ZNF765: variants seen among roughly 807,000 people sequenced by gnomAD.
The protein encoded by ZNF765 is zinc finger protein 765.
ZNF765 carries 37 observed loss-of-function variants against 44.7 expected under a neutral mutation model. The observed-to-expected ratio is 0.83, with a 90% CI of 0.64 to 1.09. The LOEUF (loss-of-function observed/expected upper bound fraction) is 1.09, where lower values mean the gene tolerates loss of function less well. ZNF765 is among the 50% of genes least tolerant of loss of function. ZNF765 has a pLI of 0.00. For synonymous variants in ZNF765, 201 were observed against 213.7 expected (o/e 0.94, Z 0.52); for missense variants, 594 against 626.1 (o/e 0.95, Z 0.55).
At position 53,420,783 on chromosome 19, in the gene ZNF765, C is replaced by T. The variant is rs927696363; in HGVS notation, c.143-2279C>T. 2.6e-5 allele frequency among the ~76,000 whole-genome samples: 4 copies of T among 152,068 alleles called. No homozygotes were observed. The East Asian group carries it at 5.8e-4, about 22-fold the overall frequency. ...AGGCAGTATGCTTGGTAAAAGTCAT[C>T]GCCATTCTCCAGTCTCGAGTACCCA... On this transcript the variant is annotated intron_variant, in intron 3 of 3. Transcript: ENST00000594030.
downstream of ZNF765, among the ~76,000 whole-genome samples, chr19:53,416,756 C>A (rs62117304): frequency 6.6e-6 from 1 of 150,542 alleles, no homozygotes; most frequent in African/African-American, 2.4e-5. Context: ...GTAAACTCTA[C>A]GTTTCTATGA....
intron 3 of ZNF765, among the ~76,000 whole-genome samples, chr19:53,403,965 A>C (rs1181065445): frequency 6.6e-6 from 1 of 152,174 alleles, no homozygotes; most frequent in Non-Finnish European, 1.5e-5. Flanking sequence ...ACATATATGT[A>C]GTGTTTTTTC....
downstream of ZNF765, among the ~76,000 whole-genome samples, chr19:53,416,288 C>A (rs185442667): frequency 6.6e-6 from 1 of 152,192 alleles, no homozygotes; most frequent in Admixed American, 6.5e-5. Context: ...TGCCTTTAGT[C>A]CCACCTACTC....
chr19:53,414,800 G>A (rs1221911424), downstream of ZNF765, among the ~76,000 whole-genome samples: 2 of 150,482 alleles, frequency 1.3e-5, no homozygotes, highest in Non-Finnish European at 3.0e-5. Context: ...CACCACAGGT[G>A]CTCAATCAGT....
In ZNF765 at chr19:53,407,816, C is replaced by G. The variant is rs1489422610; in HGVS notation, c.261C>G (p.Phe87Leu). 1 of 1,612,850 alleles carries G rather than the reference C, an allele frequency of 6.2e-7. No individual in the cohort carries two copies. Among genetic ancestry groups the G allele is most frequent in the African/African-American group, 1.3e-5 (1 of 74,892 alleles). The change falls in exon 4 of 4, where the codon TTC (phenylalanine) becomes TTG (leucine). Residue 87 changes from phenylalanine to leucine, a missense_variant. Physicochemically the swap from Phe to Leu is conservative, Grantham distance 22. Transcript: ENST00000396408. ...GTCATCACAATGGAGATTTTTGTTTCCAGGATATTGATAAAGATATTCATG... is the reference window on the plus strand; with the variant it reads ...GTCATCACAATGGAGATTTTTGTTTGCAGGATATTGATAAAGATATTCATG... ...HESHHNGDFC[F>L]QDIDKDIHDI...
chr19:53,398,687 A>G (rs186583068), intron 2 of ZNF765, among the ~76,000 whole-genome samples: 1 of 152,306 alleles, frequency 6.6e-6, no homozygotes, highest in East Asian at 1.9e-4. Context: ...GTTCCTGTGG[A>G]GAGGCTTGTG....
intron 3 of ZNF765, among the ~76,000 whole-genome samples, chr19:53,422,176 T>C (rs1490597658): frequency 6.6e-6 from 1 of 152,190 alleles, no homozygotes; most frequent in African/African-American, 2.4e-5. Flanking sequence ...GTGTAAAATA[T>C]AAAGACCAGG....
rs771661973 is a variant in ZNF765 at position 53,407,732 on chromosome 19, G to T, written c.177G>T (p.Ser59=). The part of the protein sequence containing the change: ...ISSKCMMKEF[S]STAQGNREVF... ...CCAAATGCATGATGAAGGAGTTCTC[G>T]TCAACAGCACAAGGCAATAGAGAAG... The change falls in exon 4 of 4, where the codon TCG becomes TCT. Residue 59 remains serine (S), a synonymous_variant. Transcript: ENST00000396408. The T allele has an allele frequency of 1.3e-6, 2 of 1,567,760 alleles. No homozygotes were observed. Among genetic ancestry groups the T allele is most frequent in the African/African-American group, 1.4e-5 (1 of 73,072 alleles).
chr19:53,416,225 AT>A (rs1472991819), downstream of ZNF765, among the ~76,000 whole-genome samples: 3 of 152,160 alleles, frequency 2.0e-5, no homozygotes, highest in Admixed American at 6.5e-5. Context: ...AAATGCTGGC[AT>A]TACACACAGT....
At chr19:53,407,489 A>C (rs3859492) in intron 3 of ZNF765, among the ~76,000 whole-genome samples, 125,147 of 152,100 alleles carry the variant, frequency 0.82, 51,790 homozygotes, top group Admixed American at 0.87. Context: ...TTGTCACGAT[A>C]TTGGAAATAG....
chr19:53,406,132 G>A (rs1600055806), intron 3 of ZNF765, among the ~76,000 whole-genome samples: 1 of 149,150 alleles, frequency 6.7e-6, no homozygotes, highest in African/African-American at 2.5e-5. Flanking sequence ...GGGTTCAAAT[G>A]ATTCTCCTGC....
At chr19:53,405,104 C>G (rs1372375731) in intron 3 of ZNF765, among the ~76,000 whole-genome samples, 1 of 152,156 alleles carries the variant, frequency 6.6e-6, no homozygotes, top group Non-Finnish European at 1.5e-5. Flanking sequence ...GTTATCCCAG[C>G]ACTTTGGGAG....
At chr19:53,416,801 C>T (rs1017661643), downstream of ZNF765, among the ~76,000 whole-genome samples, 11 of 150,768 alleles carry the variant, frequency 7.3e-5, no homozygotes, top group African/African-American at 2.2e-4. Context: ...GTTGTGCTCA[C>T]GTGTCCATTG....
At chr19:53,399,397 C>T (rs1441186318) in intron 2 of ZNF765, among the ~76,000 whole-genome samples, 1 of 152,120 alleles carries the variant, frequency 6.6e-6, no homozygotes, top group Non-Finnish European at 1.5e-5. Context: ...TTCTTCCAAA[C>T]TCACTGGGGA....
chr19:53,411,033 T>G lies in ZNF765; in HGVS notation c.*1906T>G, dbSNP rs1300326452. ...CAAATACAATGTGTATAGCAAACCA[T>G]CAAGCATTAATTGACACTAGAGTCA... On this transcript the variant is annotated 3_prime_UTR_variant, in exon 4 of 4. Coordinates refer to ENST00000396408, the MANE Select transcript of ZNF765 (RefSeq NM_001040185.3). The G allele has an allele frequency of 6.4e-6, 2 of 313,878 alleles. No individual in the cohort carries two copies. The highest frequency in any genetic ancestry group is 2.2e-5 in the African/African-American group (1 of 45,430). 19.4% of individuals were successfully genotyped at this position (313,878 alleles called of 1,614,324 possible). A position where few individuals can be genotyped will look rare whatever the true frequency, so the allele number is the denominator to read the frequency against.
At chr19:53,420,987 T>C (rs927738048) in intron 3 of ZNF765, among the ~76,000 whole-genome samples, 2 of 152,140 alleles carry the variant, frequency 1.3e-5, no homozygotes, top group African/African-American at 4.8e-5. Flanking sequence ...AAGGCCTCTT[T>C]GCAGTTGAGA....
chr19:53,396,103 G>T (rs2085666318), intron 1 of ZNF765, among the ~76,000 whole-genome samples: 1 of 152,154 alleles, frequency 6.6e-6, no homozygotes, highest in Non-Finnish European at 1.5e-5. Flanking sequence ...GGACAGCAAA[G>T]AGGGAGGCTC....
At chr19:53,397,784 G>T (rs1242270746) in intron 1 of ZNF765, among the ~76,000 whole-genome samples, 159 bp from the exon 2 acceptor site, 1 of 152,012 alleles carries the variant, frequency 6.6e-6, no homozygotes, top group African/African-American at 2.4e-5. Flanking sequence ...TCCGGGAGGG[G>T]AGTGGGAGTT....
chr19:53,412,230 G>A (rs2085839765), downstream of ZNF765, among the ~76,000 whole-genome samples: 1 of 152,172 alleles, frequency 6.6e-6, no homozygotes, highest in Admixed American at 6.5e-5. Flanking sequence ...GGATTTCTAT[G>A]ATGACTGGAT....
Sources: allele counts gnomAD v4.1 joint callset (sites outside exome capture counted in the v4.1 genomes callset), GRCh38; gene constraint gnomAD v4.1.1; transcripts MANE v1.5; gene names NCBI Gene and HGNC (gene_info 2026-07-23, HGNC 2026-07-21).